PAPPA2: variants seen among roughly 807,000 people sequenced by gnomAD.
PAPPA2 encodes the protein pappalysin 2.
PAPPA2 carries 86 observed loss-of-function variants against 176.4 expected under a neutral mutation model. The ratio of observed to expected loss-of-function variants is 0.49; its 90% CI spans 0.41 to 0.58. The LOEUF (loss-of-function observed/expected upper bound fraction) is 0.58, where lower values mean the gene tolerates loss of function less well. Ranked by LOEUF, PAPPA2 falls within the 20% of genes least tolerant of loss-of-function variation. The pLI is 0.00. For synonymous variants in PAPPA2, 809 were observed against 852.2 expected (o/e 0.95, Z 0.88); for missense variants, 2,073 against 2,256.9 (o/e 0.92, Z 1.65).
chr1:176,500,573 A>T (rs941066010), intron 1 of PAPPA2, among the ~76,000 whole-genome samples: 2 of 150,874 alleles, frequency 1.3e-5, no homozygotes, highest in Admixed American at 1.3e-4. Flanking sequence ...CTTAGTTCAC[A>T]TCCTATTTAT....
At chr1:176,535,867 G>C (rs1242765408) in intron 1 of PAPPA2, among the ~76,000 whole-genome samples, 1 of 152,228 alleles carries the variant, frequency 6.6e-6, no homozygotes, top group Non-Finnish European at 1.5e-5. Flanking sequence ...CACAGAGTAA[G>C]TGCTGCCTGT....
At chr1:176,535,389 A>G (rs1243397011) in intron 1 of PAPPA2, among the ~76,000 whole-genome samples, 3 of 152,154 alleles carry the variant, frequency 2.0e-5, no homozygotes, top group Admixed American at 1.3e-4. Flanking sequence ...GTAAGAGCGG[A>G]ATTCGACATT....
intron 1 of PAPPA2, among the ~76,000 whole-genome samples, chr1:176,495,897 A>G (rs1421077694): frequency 6.6e-6 from 1 of 152,018 alleles, no homozygotes; most frequent in Non-Finnish European, 1.5e-5. Flanking sequence ...CTTCCTGAGT[A>G]GATGGAAGTA....
chr1:176,549,882 C>T (rs987636149), intron 1 of PAPPA2, among the ~76,000 whole-genome samples: 3 of 152,232 alleles, frequency 2.0e-5, no homozygotes, highest in Non-Finnish European at 4.4e-5. Context: ...CATATAGCAA[C>T]CTTTTTTAGT....
At chr1:176,541,152 C>T (rs941846767) in intron 1 of PAPPA2, among the ~76,000 whole-genome samples, 2 of 152,186 alleles carry the variant, frequency 1.3e-5, no homozygotes, top group Admixed American at 1.3e-4. Context: ...AGAATGTGCT[C>T]TATACATCTG....
intron 17 of PAPPA2, among the ~76,000 whole-genome samples, chr1:176,783,068 T>C (rs983606308): frequency 6.6e-6 from 1 of 152,152 alleles, no homozygotes; most frequent in Admixed American, 6.5e-5. Flanking sequence ...GGGCAGATGA[T>C]AGTATCATTT....
chr1:176,496,110 A>G (rs1362773517), intron 1 of PAPPA2, among the ~76,000 whole-genome samples: 1 of 152,150 alleles, frequency 6.6e-6, no homozygotes, highest in Admixed American at 6.5e-5. Context: ...TTATTATTAT[A>G]CTTTAAGTTT....
chr1:176,478,006 A>G (rs1401778174), intron 1 of PAPPA2, among the ~76,000 whole-genome samples: 1 of 152,160 alleles, frequency 6.6e-6, no homozygotes, highest in Non-Finnish European at 1.5e-5. Context: ...ATGGAGGTTC[A>G]ATAAGTAGCT....
At chr1:176,732,384 T>C (rs1387680556) in intron 12 of PAPPA2, among the ~76,000 whole-genome samples, 1 of 152,306 alleles carries the variant, frequency 6.6e-6, no homozygotes, top group African/African-American at 2.4e-5. Context: ...AAAATCATAT[T>C]ACCTCTCTGG....
In PAPPA2 at chr1:176,631,948, G is replaced by T. The variant is rs147161604; in HGVS notation, c.1991+36353G>T. On this transcript the variant is annotated intron_variant, in intron 3 of 22. Transcript: ENST00000367662. The stretch of plus-strand genomic sequence containing the variant: ...ATTGCACAGGTGGAGGAGAGAAGAG[G>T]GGGAGTGTAAGCAAAAGGAGAAAGG... Among the ~76,000 whole-genome samples the T allele has an allele frequency of 3.0e-3, 458 of 152,218 alleles. 4 individuals are homozygous for T. The highest frequency in any genetic ancestry group is 0.011 in the African/African-American group (444 of 41,536).
chr1:176,606,878 C>T (rs1214170058), intron 3 of PAPPA2, among the ~76,000 whole-genome samples: 1 of 152,028 alleles, frequency 6.6e-6, no homozygotes, highest in East Asian at 1.9e-4. Flanking sequence ...CTAAAAAGAA[C>T]AGCTTGAAAG....
intron 2 of PAPPA2, among the ~76,000 whole-genome samples, chr1:176,578,008 C>T (rs903268539): frequency 2.0e-5 from 3 of 152,156 alleles, no homozygotes; most frequent in Non-Finnish European, 4.4e-5. Flanking sequence ...TCACTCCTAA[C>T]TTTAATCCTC....
chr1:176,604,585 T>A (rs1276124137), intron 3 of PAPPA2, among the ~76,000 whole-genome samples: 1 of 152,202 alleles, frequency 6.6e-6, no homozygotes, highest in African/African-American at 2.4e-5. Context: ...GTGGCAGAGT[T>A]GTGCAGTTAA....
At chr1:176,504,580 G>C (rs1243763018) in intron 1 of PAPPA2, among the ~76,000 whole-genome samples, 2 of 152,128 alleles carry the variant, frequency 1.3e-5, no homozygotes, top group Non-Finnish European at 2.9e-5. Context: ...CAAATGCTTA[G>C]CTGCGTTCCC....
chr1:176,597,544 G>C (rs1044417073), intron 3 of PAPPA2, among the ~76,000 whole-genome samples: 2 of 152,112 alleles, frequency 1.3e-5, no homozygotes, highest in African/African-American at 4.8e-5. Context: ...TGGGCTGGGG[G>C]GCTAGGGGAA....
intron 3 of PAPPA2, among the ~76,000 whole-genome samples, chr1:176,626,171 G>A (rs1656000238): frequency 6.6e-6 from 1 of 152,184 alleles, no homozygotes; most frequent in Non-Finnish European, 1.5e-5. Flanking sequence ...AAAGGCCTGT[G>A]TATACATTTC....
At chr1:176,624,656 T>G (rs951814206) in intron 3 of PAPPA2, among the ~76,000 whole-genome samples, 1 of 152,226 alleles carries the variant, frequency 6.6e-6, no homozygotes, top group African/African-American at 2.4e-5. Context: ...GCTGGAATAC[T>G]GTTTTTATCC....
At chr1:176,529,855 G>T (rs1385854380) in intron 1 of PAPPA2, among the ~76,000 whole-genome samples, 1 of 151,952 alleles carries the variant, frequency 6.6e-6, no homozygotes, top group Non-Finnish European at 1.5e-5. Flanking sequence ...GTCTCTTGAG[G>T]CCAAGTTTTT....
intron 1 of PAPPA2, among the ~76,000 whole-genome samples, chr1:176,472,429 A>C (rs535437679): frequency 6.6e-6 from 1 of 152,172 alleles, no homozygotes; most frequent in Non-Finnish European, 1.5e-5. Flanking sequence ...ACATGATCCT[A>C]GTAGTCTTTA....
Sources: allele counts gnomAD v4.1 joint callset (sites outside exome capture counted in the v4.1 genomes callset), GRCh38; gene constraint gnomAD v4.1.1; transcripts MANE v1.5; gene names NCBI Gene and HGNC (gene_info 2026-07-23, HGNC 2026-07-21).